The following FHIT variants were observed in gnomAD, a reference collection of about 807,000 sequenced individuals.
FHIT encodes bis(5'-adenosyl)-triphosphatase.
A neutral mutation model predicts 17.9 loss-of-function variants in FHIT; 19 were observed. The observed-to-expected ratio is 1.06, with a 90% CI of 0.74 to 1.56. The LOEUF (loss-of-function observed/expected upper bound fraction) is 1.56. Among genes scored for constraint, FHIT ranks in the 40% most tolerant of loss-of-function variants. FHIT has a pLI of 0.00. For missense variants in FHIT, 248 were observed against 189.2 expected (o/e 1.31, Z -1.82); for synonymous variants, 81 against 69.7 (o/e 1.16, Z -0.81).
chr3:60,507,722 T>C (rs1007777252), intron 5 of FHIT, among the ~76,000 whole-genome samples: 2 of 152,184 alleles, frequency 1.3e-5, no homozygotes, highest in African/African-American at 4.8e-5. Flanking sequence ...TCGGCCCATA[T>C]GTCCTTGTGT....
intron 8 of FHIT, among the ~76,000 whole-genome samples, chr3:59,784,290 T>C (rs1200112823): frequency 2.6e-5 from 4 of 152,236 alleles, no homozygotes; most frequent in African/African-American, 9.6e-5. Flanking sequence ...GCCTATTCTC[T>C]ACCTTCTACC....
chr3:60,107,291 TAC>T (rs1704466748), intron 5 of FHIT, among the ~76,000 whole-genome samples: 2 of 151,412 alleles, frequency 1.3e-5, no homozygotes, highest in Admixed American at 1.3e-4. Context: ...CACATAAAAA[TAC>T]ATTCTGATGA....
At chr3:61,038,643 G>T (rs2033366792) in intron 3 of FHIT, among the ~76,000 whole-genome samples, 1 of 152,118 alleles carries the variant, frequency 6.6e-6, no homozygotes, top group African/African-American at 2.4e-5. Flanking sequence ...GCCCATATTT[G>T]TTACAGCTGC....
Position 61,069,713 on chromosome 3 carries a change from G to C in FHIT, c.-163-27614C>G, listed in dbSNP as rs116047482. The stretch of plus-strand genomic sequence containing the variant: ...AGCATTGCGTGATTTTAAACTCTTC[G>C]TATCCCCAGAATTTAGCACAGTGCC... On this transcript the variant is annotated intron_variant, in intron 2 of 9. Coordinates refer to ENST00000492590, the MANE Select transcript of FHIT (RefSeq NM_002012.4). Among the ~76,000 whole-genome samples, 1,014 of 152,200 alleles carry C rather than the reference G, an allele frequency of 6.7e-3. 10 individuals are homozygous for C. The highest frequency in any genetic ancestry group is 0.022 in the African/African-American group (932 of 41,504).
chr3:60,521,287 T>C (rs541513082), intron 5 of FHIT, among the ~76,000 whole-genome samples: 148 of 152,032 alleles, frequency 9.7e-4, no homozygotes, highest in Non-Finnish European at 1.9e-3. Context: ...TTGCTCTGTC[T>C]CCCAGGCTGG....
At chr3:60,731,112 T>C (rs964259094) in intron 4 of FHIT, among the ~76,000 whole-genome samples, 7 of 151,988 alleles carry the variant, frequency 4.6e-5, no homozygotes, top group African/African-American at 9.7e-5. Context: ...GCCTGGGTGA[T>C]AGAGCGAGAC....
chr3:61,099,831 G>A (rs1156818251), intron 2 of FHIT, among the ~76,000 whole-genome samples: 1 of 151,780 alleles, frequency 6.6e-6, no homozygotes, highest in Non-Finnish European at 1.5e-5. Context: ...CTAGCTAGTG[G>A]TCTATTTTAT....
intron 5 of FHIT, among the ~76,000 whole-genome samples, chr3:60,083,591 C>A (rs149170909): frequency 6.6e-6 from 1 of 152,034 alleles, no homozygotes; most frequent in Non-Finnish European, 1.5e-5. Context: ...GCATACTGTG[C>A]GGTCTTTGAT....
At chr3:59,800,817 A>G (rs1699963491) in intron 8 of FHIT, among the ~76,000 whole-genome samples, 1 of 152,094 alleles carries the variant, frequency 6.6e-6, no homozygotes, top group Non-Finnish European at 1.5e-5. Context: ...AAACCACAAC[A>G]GGACAGGAGT....
intron 5 of FHIT, among the ~76,000 whole-genome samples, chr3:60,354,180 T>G (rs2106957072): frequency 6.6e-6 from 1 of 152,058 alleles, no homozygotes; most frequent in African/African-American, 2.4e-5. Context: ...GGCACCAAAA[T>G]TGTTTAAAAT....
chr3:60,991,738 C>T (rs1416175254), intron 3 of FHIT, among the ~76,000 whole-genome samples: 1 of 152,100 alleles, frequency 6.6e-6, no homozygotes, highest in East Asian at 1.9e-4. Context: ...TGAGATATAA[C>T]ACATAATACA....
chr3:60,477,680 C>T (rs575379925), intron 5 of FHIT, among the ~76,000 whole-genome samples: 22 of 152,128 alleles, frequency 1.4e-4, no homozygotes, highest in Non-Finnish European at 3.1e-4. Flanking sequence ...CTTTTATATA[C>T]ATATGTAAAC....
chr3:60,319,327 T>C (rs1468582547), intron 5 of FHIT, among the ~76,000 whole-genome samples: 1 of 150,054 alleles, frequency 6.7e-6, no homozygotes, highest in East Asian at 1.9e-4. Flanking sequence ...TCCCGACTAG[T>C]ATGGCAGAAC....
chr3:60,783,682 T>TA (rs66476945), intron 4 of FHIT, among the ~76,000 whole-genome samples: 68,045 of 151,698 alleles, frequency 0.45, 16,241 homozygotes, highest in African/African-American at 0.56. Context: ...TTCATCTGTG[T>TA]AAAAAGGGGG....
chr3:60,131,788 C>A (rs1345607226), intron 5 of FHIT, among the ~76,000 whole-genome samples: 2 of 152,060 alleles, frequency 1.3e-5, no homozygotes, highest in Non-Finnish European at 2.9e-5. Flanking sequence ...TAGCCTCTGC[C>A]CTCCTCAGTC....
intron 5 of FHIT, among the ~76,000 whole-genome samples, chr3:60,231,380 A>T (rs916239493): frequency 6.6e-6 from 1 of 152,184 alleles, no homozygotes; most frequent in African/African-American, 2.4e-5. Flanking sequence ...CTTTCATGTA[A>T]CCAACGCCCA....
intron 8 of FHIT, among the ~76,000 whole-genome samples, chr3:59,846,149 A>T (rs536311599): frequency 6.6e-6 from 1 of 152,140 alleles, no homozygotes; most frequent in Admixed American, 6.5e-5. Context: ...TATATGCCTT[A>T]TAGGTTTATT....
At chr3:59,889,062 C>G (rs1559700910) in intron 8 of FHIT, among the ~76,000 whole-genome samples, 3 of 152,216 alleles carry the variant, frequency 2.0e-5, no homozygotes, top group African/African-American at 7.2e-5. Flanking sequence ...TCCCATCTGT[C>G]AATACTGTTG....
intron 4 of FHIT, among the ~76,000 whole-genome samples, chr3:60,645,245 C>T (rs1553686451): frequency 6.6e-6 from 1 of 152,134 alleles, no homozygotes; most frequent in African/African-American, 2.4e-5. Context: ...CATGCCTTGA[C>T]AAAAACTGGG....
Sources: allele counts gnomAD v4.1 joint callset (sites outside exome capture counted in the v4.1 genomes callset), GRCh38; gene constraint gnomAD v4.1.1; transcripts MANE v1.5; gene names NCBI Gene and HGNC (gene_info 2026-07-23, HGNC 2026-07-21).